Variants in STK3 observed in about 807,000 individuals in gnomAD.
STK3 encodes serine/threonine-protein kinase 3.
Under a neutral mutation model 58.0 loss-of-function variants are expected in STK3, and 41 were observed. The observed-to-expected ratio is 0.71, with a 90% CI of 0.55 to 0.92. STK3 has a LOEUF of 0.92. Among genes scored for constraint, STK3 ranks in the 40% least tolerant of loss-of-function variants. STK3 has a pLI of 0.00. For missense variants in STK3, 479 were observed against 602.7 expected (o/e 0.79, Z 2.15); for synonymous variants, 170 against 191.0 (o/e 0.89, Z 0.91).
intron 10 of STK3, among the ~76,000 whole-genome samples, chr8:98,505,595 T>C (rs1823994658): frequency 6.6e-6 from 1 of 152,054 alleles, no homozygotes; most frequent in African/African-American, 2.4e-5. Flanking sequence ...GACCTTTATG[T>C]TGATGTTGAT....
In STK3 at chr8:98,936,989, G is replaced by T. The variant is rs148899862; in HGVS notation, c.-79+5389C>A. ...CAGACACTGTAAAGAGTGGAGGGGG[G>T]CTTCTCATACTGGTATGTCTCCAGA... On this transcript the variant is annotated intron_variant, in intron 1 of 1. Coordinates refer to the STK3 transcript ENST00000519420. Among the ~76,000 whole-genome samples the T allele has an allele frequency of 6.5e-3, 988 of 152,274 alleles. 9 individuals are homozygous for T. The highest frequency in any genetic ancestry group is 0.022 in the African/African-American group (928 of 41,548).
intron 6 of STK3, among the ~76,000 whole-genome samples, chr8:98,690,584 G>T (rs914076742): frequency 6.6e-6 from 1 of 152,132 alleles, no homozygotes; most frequent in African/African-American, 2.4e-5. Flanking sequence ...ACGTTCCCAG[G>T]TTGGAAGAAT....
At chr8:98,785,618 G>T (rs557382051) in intron 1 of STK3, among the ~76,000 whole-genome samples, 5 of 152,294 alleles carry the variant, frequency 3.3e-5, no homozygotes, top group African/African-American at 1.2e-4. Flanking sequence ...CCCACTGCCT[G>T]AGGCAACGGA....
chr8:98,763,998 A>G (rs1041230441), intron 3 of STK3, among the ~76,000 whole-genome samples: 1 of 152,146 alleles, frequency 6.6e-6, no homozygotes, highest in Non-Finnish European at 1.5e-5. Context: ...TACTAGTCCT[A>G]TCTTTTAGCA....
At chr8:98,545,469 A>T (rs1186995486) in intron 9 of STK3, among the ~76,000 whole-genome samples, 3 of 152,184 alleles carry the variant, frequency 2.0e-5, no homozygotes, top group African/African-American at 7.2e-5. Context: ...TCCATTTTTT[A>T]AAAGGCAGAT....
chr8:98,925,226 T>G (rs1469131440), intron 1 of STK3, among the ~76,000 whole-genome samples: 1 of 152,214 alleles, frequency 6.6e-6, no homozygotes, highest in African/African-American at 2.4e-5. Flanking sequence ...ATAAGAAATT[T>G]TTGATCTTTC....
chr8:98,570,609 CA>C (rs1192953309), intron 8 of STK3, among the ~76,000 whole-genome samples: 1 of 151,720 alleles, frequency 6.6e-6, no homozygotes, highest in African/African-American at 2.4e-5. Flanking sequence ...AGGGCAAAAC[CA>C]GTAAGGGCAA....
At chr8:98,878,060 C>CTTT (rs59671452) in intron 3 of STK3, among the ~76,000 whole-genome samples, 2 of 138,186 alleles carry the variant, frequency 1.4e-5, no homozygotes, top group African/African-American at 2.7e-5. Flanking sequence ...AAAAGAAAAT[C>CTTT]TTTTTTTTTT....
At chr8:98,929,592 G>A (rs1185361870) in intron 1 of STK3, among the ~76,000 whole-genome samples, 1 of 152,214 alleles carries the variant, frequency 6.6e-6, no homozygotes, top group African/African-American at 2.4e-5. Context: ...GGAGGTTGCA[G>A]TGAGCCAAGA....
chr8:98,547,056 A>G (rs1399756156), intron 9 of STK3, among the ~76,000 whole-genome samples: 1 of 152,176 alleles, frequency 6.6e-6, no homozygotes, highest in African/African-American at 2.4e-5. Flanking sequence ...ATTTTGCAGT[A>G]CCAGCAAATC....
intron 1 of STK3, among the ~76,000 whole-genome samples, chr8:98,449,558 T>G (rs1819104442): frequency 6.6e-6 from 1 of 152,160 alleles, no homozygotes; most frequent in Admixed American, 6.5e-5. Flanking sequence ...GAACATAAAT[T>G]TGATATTTCC....
intron 6 of STK3, among the ~76,000 whole-genome samples, chr8:98,695,528 T>G (rs1049869993): frequency 1.3e-5 from 2 of 152,152 alleles, no homozygotes; most frequent in Non-Finnish European, 2.9e-5. Flanking sequence ...TTTGTATAAG[T>G]TGTAAGGAAG....
At chr8:98,575,332 C>T (rs149348781) in intron 8 of STK3, among the ~76,000 whole-genome samples, 111 of 143,098 alleles carry the variant, frequency 7.8e-4, no homozygotes, top group Middle Eastern at 7.1e-3. Flanking sequence ...CAGGCCAGAC[C>T]TAGTGACTTG....
chr8:98,552,680 A>T (rs138444758), intron 8 of STK3, among the ~76,000 whole-genome samples: 41 of 152,220 alleles, frequency 2.7e-4, no homozygotes, highest in African/African-American at 9.1e-4. Context: ...ATCATTTTCC[A>T]TTCTTCTGTA....
At chr8:98,562,503 G>A (rs1325756403) in intron 8 of STK3, among the ~76,000 whole-genome samples, 1 of 151,946 alleles carries the variant, frequency 6.6e-6, no homozygotes, top group Non-Finnish European at 1.5e-5. Flanking sequence ...CGGTTGAAAG[G>A]GGGTTGGGGG....
chr8:98,644,790 G>A (rs1820278233), intron 6 of STK3, among the ~76,000 whole-genome samples: 1 of 151,998 alleles, frequency 6.6e-6, no homozygotes, highest in Non-Finnish European at 1.5e-5. Context: ...TACACATTTA[G>A]AAGAAGTAAA....
chr8:98,367,660 C>A (rs551660840), downstream of STK3, among the ~76,000 whole-genome samples: 138 of 152,292 alleles, frequency 9.1e-4, no homozygotes, highest in Admixed American at 1.6e-3. Flanking sequence ...AAGGCTATAG[C>A]CAGAGTCTCC....
In STK3 at chr8:98,432,319, C is replaced by G. The variant is rs141071916; in HGVS notation, n.483+1808G>C. The G allele has an allele frequency of 4.4e-3, 733 of 167,128 alleles. 7 individuals are homozygous for G. Among genetic ancestry groups the G allele is most frequent in the African/African-American group, 0.016 (681 of 41,536 alleles). The allele number at this position is 167,128 out of a possible 1,614,324, so 10.4% of individuals were successfully genotyped here. ...TGTGAGCTTGAGAGAAGTGTCACTC[C>G]CAGCATTTGAAGGTTATTGTTTTCA... On this transcript the variant is annotated intron_variant and non_coding_transcript_variant, in intron 3 of 3. Transcript: ENST00000517832.
intron 10 of STK3, among the ~76,000 whole-genome samples, chr8:98,491,808 TTATAA>T (rs1370668941): frequency 2.6e-5 from 4 of 152,320 alleles, no homozygotes; most frequent in African/African-American, 9.6e-5. Flanking sequence ...TTTTCTATAC[TTATAA>T]TAAAGTAATT....
Sources: allele counts gnomAD v4.1 joint callset (sites outside exome capture counted in the v4.1 genomes callset), GRCh38; gene constraint gnomAD v4.1.1; transcripts MANE v1.5; gene names NCBI Gene and HGNC (gene_info 2026-07-23, HGNC 2026-07-21).